The following TMEM132B variants were observed in gnomAD, a reference collection of about 807,000 sequenced individuals.
TMEM132B encodes transmembrane protein 132B.
TMEM132B carries 18 observed loss-of-function variants against 90.8 expected under a neutral mutation model. The observed-to-expected ratio is 0.20, with a 90% CI of 0.14 to 0.29. The LOEUF (loss-of-function observed/expected upper bound fraction) is 0.29. Ranked by LOEUF, TMEM132B falls within the 10% of genes least tolerant of loss-of-function variation. The pLI, the probability that TMEM132B is intolerant of heterozygous loss-of-function variation, is 1.00. For synonymous variants in TMEM132B, 504 were observed against 523.3 expected, an observed-to-expected ratio of 0.96 and a Z score of 0.50; for missense variants, 1,096 against 1,326.8, an observed-to-expected ratio of 0.83 and a Z score of 2.70.
intron 5 of TMEM132B, among the ~76,000 whole-genome samples, chr12:125,607,114 T>G (rs1056467813): frequency 6.6e-6 from 1 of 152,106 alleles, no homozygotes; most frequent in African/African-American, 2.4e-5. Flanking sequence ...ATTCTGTCCA[T>G]AGAGGGTTGA....
intron 5 of TMEM132B, among the ~76,000 whole-genome samples, chr12:125,589,246 G>A (rs894355876): frequency 6.6e-6 from 1 of 152,046 alleles, no homozygotes; most frequent in Non-Finnish European, 1.5e-5. Context: ...ACTTTGGGAG[G>A]CCAAGGCGGG....
At chr12:125,342,994 C>G (rs556634450) in intron 1 of TMEM132B, among the ~76,000 whole-genome samples, 2 of 152,130 alleles carry the variant, frequency 1.3e-5, no homozygotes, top group Non-Finnish European at 2.9e-5. Flanking sequence ...TTTTTTGATT[C>G]TATAATGAAT....
At chr12:125,500,221 G>A (rs1056242029) in intron 3 of TMEM132B, among the ~76,000 whole-genome samples, 1 of 152,180 alleles carries the variant, frequency 6.6e-6, no homozygotes, top group Admixed American at 6.5e-5. Flanking sequence ...TCTCAAACAG[G>A]ACTCACTTAC....
At chr12:125,224,150 A>C (rs1873624429) in intron 1 of TMEM132B, among the ~76,000 whole-genome samples, 1 of 152,182 alleles carries the variant, frequency 6.6e-6, no homozygotes, top group Non-Finnish European at 1.5e-5. Flanking sequence ...ATAATATTTC[A>C]TTGTATGGAT....
At chr12:125,222,064 C>G (rs186030096) in intron 1 of TMEM132B, among the ~76,000 whole-genome samples, 24 of 152,212 alleles carry the variant, frequency 1.6e-4, no homozygotes, top group African/African-American at 5.3e-4. Flanking sequence ...TCCCTTTGAG[C>G]CTTTGCATAA....
At chr12:125,343,449 G>A (rs1341433619) in intron 1 of TMEM132B, among the ~76,000 whole-genome samples, 1 of 152,218 alleles carries the variant, frequency 6.6e-6, no homozygotes, top group East Asian at 1.9e-4. Flanking sequence ...GGCCTTGTGA[G>A]CATTAAGCTT....
At chr12:125,603,685 T>G (rs1237555007) in intron 5 of TMEM132B, among the ~76,000 whole-genome samples, 2 of 152,158 alleles carry the variant, frequency 1.3e-5, no homozygotes, top group African/African-American at 4.8e-5. Flanking sequence ...TGGGATAAAC[T>G]TTTTGCAATC....
chr12:125,513,322 A>ATGTGCG (rs60822254), intron 3 of TMEM132B, among the ~76,000 whole-genome samples: 1 of 152,074 alleles, frequency 6.6e-6, no homozygotes, highest in African/African-American at 2.4e-5. Flanking sequence ...ACATACTTGT[A>ATGTGCG]TGTGCGTGTG....
chr12:125,342,269 A>G lies in TMEM132B; in HGVS notation c.68-7183A>G, dbSNP rs534058050. Among the ~76,000 whole-genome samples, 3 of 152,276 alleles carry G rather than the reference A, an allele frequency of 2.0e-5. No homozygotes were observed. In the South Asian group the frequency reaches 6.2e-4, roughly 32 times the overall value. ...AAGAATTCTCCCATCAACTTCTTTA[A>G]TGTGAGGCTGTACGGGGATGGTTAG... On this transcript the variant is annotated intron_variant, in intron 1 of 8. Transcript: ENST00000682704.
intron 1 of TMEM132B, among the ~76,000 whole-genome samples, chr12:125,334,704 T>A (rs7306797): frequency 0.49 from 74,988 of 152,056 alleles, 19,350 homozygotes; most frequent in African/African-American, 0.64. Flanking sequence ...ACTGGGACCA[T>A]GATGCTTATG....
chr12:125,590,878 G>A (rs28534014), intron 5 of TMEM132B, among the ~76,000 whole-genome samples: 2,151 of 152,300 alleles, frequency 0.014, 49 homozygotes, highest in African/African-American at 0.05. Context: ...AGAAGGTGCT[G>A]TAGCTCAAGT....
chr12:125,360,075 T>TCAAAA (rs963088396), intron 2 of TMEM132B, among the ~76,000 whole-genome samples: 4 of 152,180 alleles, frequency 2.6e-5, no homozygotes, highest in South Asian at 2.1e-4. Flanking sequence ...AGACTCCGTC[T>TCAAAA]CAAAACAAAA....
chr12:125,305,387 T>C (rs2136168396), intron 1 of TMEM132B, among the ~76,000 whole-genome samples: 1 of 151,628 alleles, frequency 6.6e-6, no homozygotes, highest in African/African-American at 2.4e-5. Flanking sequence ...AGTCCAATTT[T>C]AATGGCTTAT....
At chr12:125,311,434 A>G (rs901435122) in intron 1 of TMEM132B, among the ~76,000 whole-genome samples, 1 of 152,194 alleles carries the variant, frequency 6.6e-6, no homozygotes, top group African/African-American at 2.4e-5. Context: ...CAGTTTGCTC[A>G]GGTTGAAAAC....
intron 4 of TMEM132B, among the ~76,000 whole-genome samples, chr12:125,581,355 A>T (rs1180996862): frequency 6.6e-6 from 1 of 152,206 alleles, no homozygotes; most frequent in Non-Finnish European, 1.5e-5. Context: ...TTGTATACCT[A>T]CATTTCCAAA....
At chr12:125,389,641 G>A (rs1044104087) in intron 2 of TMEM132B, among the ~76,000 whole-genome samples, 1 of 152,114 alleles carries the variant, frequency 6.6e-6, no homozygotes, top group African/African-American at 2.4e-5. Context: ...GCCTGATACT[G>A]GAAAGAACTC....
chr12:125,459,258 T>C lies in TMEM132B; in HGVS notation c.1106+43581T>C, dbSNP rs567636575. On this transcript the variant is annotated intron_variant, in intron 3 of 8. Coordinates refer to ENST00000682704, the MANE Select transcript of TMEM132B (RefSeq NM_001366854.1). The surrounding 1 kb of genome is among the most constrained non-coding windows in gnomAD (Gnocchi z 4.1). The stretch of plus-strand genomic sequence containing the variant: ...TTCTACGTGTGGGGAACCGCCAGCA[T>C]GTCCTTGGCTCAAGTCACTCTGGAG... Among the ~76,000 whole-genome samples the C allele has an allele frequency of 6.6e-6, 1 of 152,316 alleles. No homozygotes were observed. Among genetic ancestry groups the C allele is most frequent in the South Asian group, 2.1e-4 (1 of 4,824 alleles).
At chr12:125,567,801 A>G (rs1884694949) in intron 4 of TMEM132B, among the ~76,000 whole-genome samples, 1 of 151,936 alleles carries the variant, frequency 6.6e-6, no homozygotes, top group African/African-American at 2.4e-5. Flanking sequence ...TTTTTCCCCC[A>G]GGCAACAAAG....
chr12:125,340,766 G>A (rs1216376005), intron 1 of TMEM132B, among the ~76,000 whole-genome samples: 2 of 152,210 alleles, frequency 1.3e-5, no homozygotes, highest in Non-Finnish European at 2.9e-5. Flanking sequence ...TGTTAAGCTA[G>A]ACTATCCAAA....
Sources: gnomAD v4.1 joint callset for allele counts (sites outside exome capture counted in the v4.1 genomes callset) on GRCh38, gnomAD v4.1.1 for gene constraint, Gnocchi (gnomAD v3.1) non-coding constraint, MANE v1.5 for transcripts, NCBI Gene and HGNC (gene_info 2026-07-23, HGNC 2026-07-21) for gene names.